The following SIK3 variants were observed in gnomAD, a reference collection of about 807,000 sequenced individuals.
SIK3 encodes SIK family kinase 3.
A neutral mutation model predicts 144.2 loss-of-function variants in SIK3; 28 were observed. The observed-to-expected ratio is 0.19, with a 90% confidence interval of 0.14 to 0.27. The LOEUF (loss-of-function observed/expected upper bound fraction) is 0.27, where lower values mean the gene tolerates loss of function less well. SIK3 is among the 10% of genes least tolerant of loss of function. The pLI is 1.00. For missense variants in SIK3, 1,319 were observed against 1,776.0 expected, an observed-to-expected ratio of 0.74 and a Z score of 4.62; for synonymous variants, 686 against 676.3, an observed-to-expected ratio of 1.01 and a Z score of -0.22.
At chr11:116,863,124 C>G (rs1032375914) in intron 16 of SIK3, among the ~76,000 whole-genome samples, 8 of 151,746 alleles carry the variant, frequency 5.3e-5, no homozygotes, top group Non-Finnish European at 2.9e-5. Flanking sequence ...CACAGAAACC[C>G]AAGCCCAGAA....
At chr11:117,043,245 A>T (rs1381209944) in intron 1 of SIK3, among the ~76,000 whole-genome samples, 3 of 152,198 alleles carry the variant, frequency 2.0e-5, no homozygotes, top group Admixed American at 6.5e-5. Context: ...TAATGACTGA[A>T]ATAAAAATAG....
chr11:116,932,868 C>T (rs559951652), intron 3 of SIK3, among the ~76,000 whole-genome samples: 1 of 152,232 alleles, frequency 6.6e-6, no homozygotes, highest in East Asian at 1.9e-4. Context: ...AAGATCACGG[C>T]TCACTGCAGC....
chr11:116,944,117 G>A (rs1279138399), intron 3 of SIK3, among the ~76,000 whole-genome samples: 3 of 152,146 alleles, frequency 2.0e-5, no homozygotes, highest in African/African-American at 7.2e-5. Context: ...TAGCCAAGGT[G>A]TAATGTAGTT....
intron 21 of SIK3, among the ~76,000 whole-genome samples, chr11:116,850,568 A>G (rs1942347527): frequency 6.6e-6 from 1 of 152,190 alleles, no homozygotes; most frequent in East Asian, 1.9e-4. Context: ...TTGCTCTAAC[A>G]TTATCCTTGG....
intron 1 of SIK3, among the ~76,000 whole-genome samples, chr11:116,977,218 C>T (rs1260596813): frequency 3.2e-3 from 16 of 4,966 alleles, no homozygotes; most frequent in Non-Finnish European, 9.7e-3. Flanking sequence ...TCTTCTTCCT[C>T]CCTCCCTCCC....
intron 1 of SIK3, among the ~76,000 whole-genome samples, chr11:117,096,719 GA>G (rs1244955350): frequency 6.6e-6 from 1 of 152,184 alleles, no homozygotes; most frequent in African/African-American, 2.4e-5. Context: ...ACCCTGGTAA[GA>G]AGGGCCCCTT....
intron 4 of SIK3, among the ~76,000 whole-genome samples, chr11:116,901,213 A>T (rs1244267758): frequency 6.6e-6 from 1 of 152,164 alleles, no homozygotes; most frequent in Non-Finnish European, 1.5e-5. Flanking sequence ...ACCCTCCATT[A>T]ATTAGTAAAT....
intron 1 of SIK3, among the ~76,000 whole-genome samples, chr11:117,023,621 A>AAAATATATATATATATATATAT (rs754624841): frequency 7.3e-5 from 7 of 95,414 alleles, no homozygotes; most frequent in African/African-American, 1.7e-4. Flanking sequence ...AAAAAAAAAA[A>AAAATATATATATATATATATAT]ATATATATAT....
intron 1 of SIK3, among the ~76,000 whole-genome samples, chr11:116,979,439 T>C (rs1381436450): frequency 6.6e-6 from 1 of 152,228 alleles, no homozygotes; most frequent in Non-Finnish European, 1.5e-5. Flanking sequence ...CTTCTCACTC[T>C]ATGATGTTTC....
chr11:116,979,981 C>T (rs1273758985), intron 1 of SIK3, among the ~76,000 whole-genome samples: 2 of 152,104 alleles, frequency 1.3e-5, no homozygotes, highest in African/African-American at 4.8e-5. Context: ...CTCATATGTT[C>T]CATCTCTTCT....
At chr11:117,016,373 A>AGGGG in intron 1 of SIK3, among the ~76,000 whole-genome samples, 1 of 67,844 alleles carries the variant, frequency 1.5e-5, no homozygotes. Flanking sequence ...AGGGAAGGAG[A>AGGGG]GGGAGGGAGA....
At chr11:117,080,428 G>T (rs893188834) in intron 1 of SIK3, among the ~76,000 whole-genome samples, 1 of 152,146 alleles carries the variant, frequency 6.6e-6, no homozygotes, top group Non-Finnish European at 1.5e-5. Context: ...GGCTTTAAAA[G>T]AAGATCAGAA....
At chr11:116,888,176 T>C (rs898623617) in intron 6 of SIK3, among the ~76,000 whole-genome samples, 2 of 152,196 alleles carry the variant, frequency 1.3e-5, no homozygotes, top group African/African-American at 4.8e-5. Context: ...TTTAGAACAC[T>C]ATACCAGCTC....
chr11:116,970,975 T>C (rs1438067099), intron 1 of SIK3, among the ~76,000 whole-genome samples: 1 of 152,200 alleles, frequency 6.6e-6, no homozygotes, highest in African/African-American at 2.4e-5. Flanking sequence ...CAGTGCTATA[T>C]AATGTAGGAC....
At chr11:116,924,162 C>T (rs1047876160) in intron 4 of SIK3, among the ~76,000 whole-genome samples, 10 of 151,834 alleles carry the variant, frequency 6.6e-5, no homozygotes, top group African/African-American at 9.7e-5. Context: ...AACGTGGTGG[C>T]GCATGCCTGT....
chr11:116,954,026 T>A lies in SIK3; in HGVS notation c.454+18A>T, dbSNP rs769951094. 6.2e-7 allele frequency: 1 copy of A among 1,608,032 alleles called. No homozygotes were observed. The highest frequency in any genetic ancestry group is 2.2e-5 in the East Asian group (1 of 44,804). ...GTGTGCTCAATAGCTGTTTAAAGAA[T>A]GCAATAAATGTACTTACCAAATATT... is the stretch of plus-strand genomic sequence containing the variant. On this transcript the variant is annotated intron_variant, in intron 3 of 24. Coordinates refer to ENST00000445177, the MANE Select transcript of SIK3 (RefSeq NM_001366686.3).
intron 1 of SIK3, among the ~76,000 whole-genome samples, chr11:116,991,092 A>G (rs1168429077): frequency 6.6e-6 from 1 of 152,224 alleles, no homozygotes; most frequent in African/African-American, 2.4e-5. Flanking sequence ...AAGGTCAGAG[A>G]GAGAGCTGGT....
chr11:117,094,592 A>G (rs1955387886), intron 1 of SIK3, among the ~76,000 whole-genome samples: 1 of 152,150 alleles, frequency 6.6e-6, no homozygotes, highest in African/African-American at 2.4e-5. Context: ...TGGGTGACAG[A>G]GTAAGACCCT....
At chr11:116,883,373 T>A (rs746956086) in intron 6 of SIK3, among the ~76,000 whole-genome samples, 2 of 152,238 alleles carry the variant, frequency 1.3e-5, no homozygotes, top group Non-Finnish European at 2.9e-5. Flanking sequence ...AGTGTGACTA[T>A]CTTGCAGTGC....
Sources: allele counts gnomAD v4.1 joint callset (sites outside exome capture counted in the v4.1 genomes callset), GRCh38; gene constraint gnomAD v4.1.1; transcripts MANE v1.5; gene names NCBI Gene and HGNC (gene_info 2026-07-23, HGNC 2026-07-21).